TNFSF15: variants seen among roughly 807,000 people sequenced by gnomAD.
TNFSF15 encodes the protein TNF superfamily member 15.
A neutral mutation model predicts 26.4 loss-of-function variants in TNFSF15; 15 were observed. That is an observed-to-expected ratio of 0.57 (90% CI 0.38 to 0.87). TNFSF15 has a LOEUF of 0.87. Ranked by LOEUF, TNFSF15 falls within the 40% of genes least tolerant of loss-of-function variation. The pLI, the probability that TNFSF15 is intolerant of heterozygous loss-of-function variation, is 0.00. For synonymous variants in TNFSF15, 116 were observed against 115.0 expected (o/e 1.01, Z -0.06); for missense variants, 290 against 306.1 (o/e 0.95, Z 0.39).
chr9:114,793,668 C>A, intron 1 of TNFSF15, 100 bp from the exon 2 acceptor site: 1 of 1,148,142 alleles, frequency 8.7e-7, no homozygotes, highest in Non-Finnish European at 1.3e-6. Context: ...GCTTCTGCTG[C>A]CCAGCCTGGG....
At chr9:114,793,723 G>A (rs1829639456) in intron 1 of TNFSF15, among the ~76,000 whole-genome samples, 155 bp from the exon 2 acceptor site, 1 of 152,140 alleles carries the variant, frequency 6.6e-6, no homozygotes, top group African/African-American at 2.4e-5. Flanking sequence ...TTTTGTTGAT[G>A]GGAATCTTGC....
Position 114,790,788 on chromosome 9 carries a change from C to G in TNFSF15, c.420G>C (p.Leu140=). ...NRMNYTNKFL[L]IPESGDYFIY... ...TGAAGTAGTCTCCCGACTCTGGGAT[C>G]AGCAGGAATTTGTTGGTATAGTTCA... The change falls in exon 4 of 4, where the codon CTG becomes CTC. Residue 140 remains leucine (L), a synonymous_variant. Transcript: ENST00000374045. 6.2e-7 allele frequency: 1 copy of G among 1,614,050 alleles called. No homozygotes were observed. The highest frequency in any genetic ancestry group is 8.5e-7 in the Non-Finnish European group (1 of 1,180,024).
intron 1 of TNFSF15, among the ~76,000 whole-genome samples, chr9:114,799,995 G>C (rs1460633224): frequency 6.6e-6 from 1 of 152,162 alleles, no homozygotes; most frequent in Non-Finnish European, 1.5e-5. Flanking sequence ...TAAGGGGTCT[G>C]CAATTTACAA....
chr9:114,802,478 C>G (rs1829761642), intron 1 of TNFSF15, among the ~76,000 whole-genome samples: 1 of 152,202 alleles, frequency 6.6e-6, no homozygotes, highest in African/African-American at 2.4e-5. Context: ...GTCTCGATCT[C>G]CTGACCTCGT....
chr9:114,805,311 A>G (rs1829805740), intron 1 of TNFSF15, among the ~76,000 whole-genome samples: 1 of 152,186 alleles, frequency 6.6e-6, no homozygotes, highest in African/African-American at 2.4e-5. Context: ...ATATTAGCAG[A>G]CTCAGAATAA....
rs757455616 is a variant in TNFSF15 at position 114,805,922 on chromosome 9, T to G, written c.91A>C (p.Ser31Arg). 2 of 1,614,174 alleles carry G rather than the reference T, an allele frequency of 1.2e-6. No individual in the cohort carries two copies. Among genetic ancestry groups the G allele is most frequent in the Non-Finnish European group, 1.7e-6 (2 of 1,180,044 alleles). Reference sequence around the variant, plus strand: ...CAGGTGAGAGCCCAGCGTGCGCTGCTGCTCCTGGCCTTGGGCCTGCAGCTG... The same window carrying G: ...CAGGTGAGAGCCCAGCGTGCGCTGCGGCTCCTGGCCTTGGGCCTGCAGCTG... The part of the protein sequence containing the change: ...HGSCRPKARS[S>R]SARWALTCCL... Residue 31 changes from serine (S) to arginine (R), a missense_variant, in exon 1 of 4, where the codon AGC (serine) becomes CGC (arginine). By Grantham distance (110) the Ser-to-Arg change is moderately radical. This residue lies in a region of TNFSF15 where 179 missense variants were observed against 165.9 expected (regional missense o/e 1.08). Transcript: ENST00000374045.
rs976345163 is a variant in TNFSF15, at chr9:114,785,638, T to C, written c.*4814A>G. ...GAAATAGCATCCTAGAAAAATTCTA[T>C]TTTGGAGTAGAAAATTCCTTTGGGG... On this transcript the variant is annotated 3_prime_UTR_variant, in exon 4 of 4. Transcript: ENST00000374045. The C allele has an allele frequency of 6.6e-6, 1 of 152,196 alleles. No homozygotes were observed. The highest frequency in any genetic ancestry group is 2.4e-5 in the African/African-American group (1 of 41,452). 9.4% of individuals were successfully genotyped at this position (152,196 alleles called of 1,614,324 possible). A position where few individuals can be genotyped will look rare whatever the true frequency, so the allele number is the denominator to read the frequency against.
At chr9:114,803,293 G>A (rs571377545) in intron 1 of TNFSF15, among the ~76,000 whole-genome samples, 166 of 152,236 alleles carry the variant, frequency 1.1e-3, no homozygotes, top group Admixed American at 3.5e-3. Flanking sequence ...TGTGCATGCG[G>A]CTCTCCCCAC....
At position 114,787,767 on chromosome 9, in the gene TNFSF15, T is replaced by A. The variant is rs1356573259; in HGVS notation, c.*2685A>T. 3 of 153,704 alleles carry A rather than the reference T, an allele frequency of 2.0e-5. No individual in the cohort carries two copies. The Admixed American group carries it at 2.0e-4, about 10-fold the overall frequency. The allele number at this position is 153,704 out of a possible 1,614,324, so 9.5% of individuals were successfully genotyped here. A position where few individuals can be genotyped will look rare whatever the true frequency, so the allele number is the denominator to read the frequency against. ...TCTGACTGTGCCTTTCCGTAAAAAA[T>A]ATACTATACAGAATTTAACAAAATC... On this transcript the variant is annotated 3_prime_UTR_variant, in exon 4 of 4. Transcript: ENST00000374045.
At chr9:114,802,427 A>G (rs1829761098) in intron 1 of TNFSF15, among the ~76,000 whole-genome samples, 1 of 151,764 alleles carries the variant, frequency 6.6e-6, no homozygotes, top group South Asian at 2.1e-4. Context: ...TGATTTTTGT[A>G]TTTTTAGTAG....
At chr9:114,797,085 C>T (rs1269853558) in intron 1 of TNFSF15, among the ~76,000 whole-genome samples, 1 of 152,122 alleles carries the variant, frequency 6.6e-6, no homozygotes, top group Non-Finnish European at 1.5e-5. Context: ...AAGGTACCTG[C>T]CCTGGTTGGC....
intron 1 of TNFSF15, among the ~76,000 whole-genome samples, chr9:114,803,531 A>G (rs975478135): frequency 2.6e-5 from 4 of 151,812 alleles, no homozygotes; most frequent in Non-Finnish European, 4.4e-5. Context: ...CCTCTGAGCC[A>G]TTTCTTCTCC....
At chr9:114,793,649 G>A in intron 1 of TNFSF15, 81 bp from the exon 2 acceptor site, 1 of 1,377,426 alleles carries the variant, frequency 7.3e-7, no homozygotes, top group Admixed American at 1.7e-5. Flanking sequence ...GCACAGGTAT[G>A]ATTACAAAGC....
At position 114,790,489 on chromosome 9, in the gene TNFSF15, T is replaced by C; in HGVS notation, c.719A>G (p.Lys240Arg). Residue 240 changes from lysine to arginine, a missense_variant, in exon 4 of 4, where the codon AAA becomes AGA. Coordinates refer to ENST00000374045, the MANE Select transcript of TNFSF15 (RefSeq NM_005118.4). The stretch of plus-strand genomic sequence containing the variant: ...GGCTCCAAAGAAGGTTTTATCTTCT[T>C]TTGTGTAATCCACCAAAGAGATGTC... The part of the protein sequence containing the change: ...VSDISLVDYT[K>R]EDKTFFGAFL... 1 of 1,613,162 alleles carries C rather than the reference T, an allele frequency of 6.2e-7. No homozygotes were observed. The highest frequency in any genetic ancestry group is 8.5e-7 in the Non-Finnish European group (1 of 1,179,536).
At chr9:114,792,619 G>C in intron 2 of TNFSF15, 165 bp from the exon 3 acceptor site, 1 of 1,458,104 alleles carries the variant, frequency 6.9e-7, no homozygotes, top group Non-Finnish European at 9.1e-7. Context: ...TGTGGCACCC[G>C]CAGCAAGCAC....
chr9:114,791,195 C>A, intron 3 of TNFSF15: 2 of 555,784 alleles, frequency 3.6e-6, no homozygotes, highest in Non-Finnish European at 6.5e-6. Flanking sequence ...TCCTGGAGAA[C>A]AATGAAGGTT....
intron 3 of TNFSF15, chr9:114,791,899 T>C (rs1258721134): frequency 5.9e-6 from 1 of 168,754 alleles, no homozygotes; most frequent in African/African-American, 2.4e-5. Context: ...TGGGGACTTT[T>C]TGTTTGTGAC....
chr9:114,801,538 T>C (rs1008067261), intron 1 of TNFSF15, among the ~76,000 whole-genome samples: 2 of 152,338 alleles, frequency 1.3e-5, no homozygotes, highest in African/African-American at 4.8e-5. Flanking sequence ...TGATGTGATT[T>C]CCCTGAGCGG....
chr9:114,805,838 G>A lies in TNFSF15; in HGVS notation c.175C>T (p.Leu59Phe). 6.2e-7 allele frequency: 1 copy of A among 1,613,758 alleles called. No homozygotes were observed. Among genetic ancestry groups the A allele is most frequent in the Non-Finnish European group, 8.5e-7 (1 of 1,180,040 alleles). ...GLTTYLLVSQ[L>F]RAQGEACVQF... Reference sequence around the variant, plus strand: ...ACACAGGCCTCTCCCTGGGCCCGGAGCTGGCTGACAAGCAGGTATGTGGTG... The same window carrying A: ...ACACAGGCCTCTCCCTGGGCCCGGAACTGGCTGACAAGCAGGTATGTGGTG... Residue 59 changes from leucine to phenylalanine, a missense_variant, in exon 1 of 4, where the codon CTC becomes TTC. Coordinates refer to ENST00000374045, the MANE Select transcript of TNFSF15 (RefSeq NM_005118.4).
Sources: gnomAD v4.1 joint callset for allele counts (sites outside exome capture counted in the v4.1 genomes callset) on GRCh38, gnomAD v4.1.1 for gene constraint, gnomAD v4.1.1 regional missense constraint, MANE v1.5 for transcripts, NCBI Gene and HGNC (gene_info 2026-07-23, HGNC 2026-07-21) for gene names.